NDUFV3: variants seen among roughly 807,000 people sequenced by gnomAD.
NDUFV3 encodes NADH dehydrogenase [ubiquinone] flavoprotein 3, mitochondrial.
A neutral mutation model predicts 37.5 loss-of-function variants in NDUFV3; 44 were observed. That is an observed-to-expected ratio of 1.17 (90% confidence interval 0.92 to 1.51). The LOEUF is 1.51. NDUFV3 is among the 40% of genes most tolerant of loss of function. The pLI, the probability that NDUFV3 is intolerant of heterozygous loss-of-function variation, is 0.00. For synonymous variants in NDUFV3, 235 were observed against 239.3 expected (o/e 0.98, Z 0.17); for missense variants, 580 against 580.4 (o/e 1.00, Z 0.01).
At chr21:42,905,967 G>A (rs978200524) in intron 3 of NDUFV3, among the ~76,000 whole-genome samples, 12 of 150,942 alleles carry the variant, frequency 8.0e-5, no homozygotes, top group African/African-American at 2.7e-4. Flanking sequence ...ACGTACAAAC[G>A]ATTCTCCTGC....
chr21:42,902,468 G>T (rs1377113073), intron 2 of NDUFV3, among the ~76,000 whole-genome samples: 1 of 152,048 alleles, frequency 6.6e-6, no homozygotes, highest in Non-Finnish European at 1.5e-5. Context: ...TTTGATAGGG[G>T]GATCACTAAA....
chr21:42,905,431 C>T (rs947221001), intron 3 of NDUFV3, among the ~76,000 whole-genome samples: 1 of 152,200 alleles, frequency 6.6e-6, no homozygotes, highest in South Asian at 2.1e-4. Context: ...CCCTGGACAG[C>T]GTTTCCTTCT....
Position 42,904,040 on chromosome 21 carries a change from G to A in NDUFV3, c.1028G>A (p.Arg343His), listed in dbSNP as rs140627218. ...HLEKPVPEPQ[R>H]KAAPPLPRKE... ...GAAAAACCCGTGCCAGAGCCCCAGC[G>A]CAAGGCGGCCCCTCCCCTGCCCAGA... is the stretch of plus-strand genomic sequence containing the variant. The change falls in exon 3 of 4, where the codon CGC becomes CAC. Residue 343 changes from arginine to histidine, a missense_variant. Coordinates refer to ENST00000354250, the MANE Select transcript of NDUFV3 (RefSeq NM_021075.4). 2.1e-4 allele frequency: 336 copies of A among 1,614,142 alleles called. No individual in the cohort carries two copies. Among genetic ancestry groups the A allele is most frequent in the East Asian group, 6.5e-4 (29 of 44,874 alleles).
At chr21:42,900,613 A>T (rs2058714296) in intron 2 of NDUFV3, among the ~76,000 whole-genome samples, 1 of 152,226 alleles carries the variant, frequency 6.6e-6, no homozygotes, top group Non-Finnish European at 1.5e-5. Flanking sequence ...TAAGTGTAAG[A>T]TACAGAGGAA....
At chr21:42,895,286 C>A (rs2058685611) in intron 1 of NDUFV3, among the ~76,000 whole-genome samples, 1 of 152,016 alleles carries the variant, frequency 6.6e-6, no homozygotes, top group African/African-American at 2.4e-5. Context: ...AACTCGAGAC[C>A]AACCTGATCA....
At chr21:42,893,544 G>A (rs1036145353) in intron 1 of NDUFV3, among the ~76,000 whole-genome samples, 163 bp downstream of exon 1, 4 of 152,210 alleles carry the variant, frequency 2.6e-5, no homozygotes, top group African/African-American at 9.6e-5. Context: ...ACCGCCACGG[G>A]GCCAGGCCCG....
Position 42,912,907 on chromosome 21 carries a change from A to ATT in NDUFV3, c.*3886_*3887insTT, listed in dbSNP as rs1291287429. The ATT allele has an allele frequency of 1.4e-5, 2 of 137,990 alleles. No individual in the cohort carries two copies. The highest frequency in any genetic ancestry group is 5.5e-5 in the African/African-American group (2 of 36,468). The allele number at this position is 137,990 out of a possible 1,614,324, so 8.5% of individuals were successfully genotyped here. On this transcript the variant is annotated 3_prime_UTR_variant, in exon 4 of 4. Transcript: ENST00000354250. ...ACTCCGTCTCAAAAAAAAAAAACAA[A>ATT]AAAAAAATTAGCCGGGCGTGGTGGT...
intron 1 of NDUFV3, among the ~76,000 whole-genome samples, 184 bp downstream of exon 1, chr21:42,893,565 G>A (rs2146141418): frequency 6.6e-6 from 1 of 152,296 alleles, no homozygotes; most frequent in African/African-American, 2.4e-5. Flanking sequence ...GATGTGGCCA[G>A]CGAGCGTCCC....
chr21:42,895,155 C>G (rs964378271), intron 1 of NDUFV3, among the ~76,000 whole-genome samples: 2 of 152,028 alleles, frequency 1.3e-5, no homozygotes, highest in Admixed American at 6.6e-5. Context: ...GTCAGGCATT[C>G]GAGACCAACA....
intron 3 of NDUFV3, among the ~76,000 whole-genome samples, chr21:42,906,164 A>G (rs1218925153): frequency 1.3e-5 from 2 of 152,186 alleles, no homozygotes; most frequent in African/African-American, 2.4e-5. Context: ...GCGCCCAGCT[A>G]TGTTACCATT....
rs376685331 is a variant in NDUFV3 at position 42,908,937 on chromosome 21, G to A, written c.1338G>A (p.Thr446=). The part of the protein sequence containing the change: ...YKNLQHHDYS[T]YTFLDLNLEL... ...ACCTGCAGCATCATGACTACAGCACGTACACCTTCTTAGACCTCAACCTCG... is the reference window on the plus strand; with the variant it reads ...ACCTGCAGCATCATGACTACAGCACATACACCTTCTTAGACCTCAACCTCG... Residue 446 remains threonine (T), a synonymous_variant, in exon 4 of 4, where the codon ACG becomes ACA. Transcript: ENST00000354250. 3.1e-5 allele frequency: 50 copies of A among 1,613,874 alleles called. No individual in the cohort carries two copies. The highest frequency in any genetic ancestry group is 1.1e-4 in the South Asian group (10 of 91,082).
At chr21:42,901,616 G>A (rs1429068897) in intron 2 of NDUFV3, among the ~76,000 whole-genome samples, 31 of 150,152 alleles carry the variant, frequency 2.1e-4, no homozygotes, top group Admixed American at 4.0e-4. Flanking sequence ...AAAAAAAAAA[G>A]AAAACGAAAT....
intron 3 of NDUFV3, chr21:42,907,009 G>C (rs2058745078): frequency 4.8e-6 from 2 of 412,962 alleles, no homozygotes; most frequent in African/African-American, 4.1e-5. Flanking sequence ...TTTTTGTGGA[G>C]CATGAATGGA....
At chr21:42,899,088 C>T (rs893466750) in intron 2 of NDUFV3, among the ~76,000 whole-genome samples, 7 of 152,138 alleles carry the variant, frequency 4.6e-5, no homozygotes, top group Non-Finnish European at 7.4e-5. Context: ...CTGTCCTTGA[C>T]GGGCCCTGCA....
At chr21:42,899,286 T>TTTTTTTTTTTTTTTTA (rs1370334671) in intron 2 of NDUFV3, among the ~76,000 whole-genome samples, 1 of 140,866 alleles carries the variant, frequency 7.1e-6, no homozygotes, top group South Asian at 2.1e-4. Context: ...TGTTTTTTTT[T>TTTTTTTTTTTTTTTTA]GAGACAGAGT....
At chr21:42,901,553 A>G (rs1448703096) in intron 2 of NDUFV3, among the ~76,000 whole-genome samples, 1 of 151,666 alleles carries the variant, frequency 6.6e-6, no homozygotes, top group East Asian at 1.9e-4. Context: ...CTGAGCCGAG[A>G]TTTGCACCAC....
At chr21:42,894,259 G>A (rs529914125) in intron 1 of NDUFV3, among the ~76,000 whole-genome samples, 1 of 127,894 alleles carries the variant, frequency 7.8e-6, no homozygotes, top group South Asian at 2.3e-4. Flanking sequence ...TTTTAAAATG[G>A]CTGTTATTAC....
At chr21:42,897,801 T>C (rs1464986602) in intron 2 of NDUFV3, among the ~76,000 whole-genome samples, 1 of 151,954 alleles carries the variant, frequency 6.6e-6, no homozygotes, top group East Asian at 1.9e-4. Context: ...CTCGGCCTCC[T>C]GAGTAGCTGG....
Position 42,903,627 on chromosome 21 carries a change from A to G in NDUFV3, c.615A>G (p.Ala205=), listed in dbSNP as rs772082729. The change falls in exon 3 of 4, where the codon GCA becomes GCG. Residue 205 remains alanine, a synonymous_variant. Coordinates refer to ENST00000354250, the MANE Select transcript of NDUFV3 (RefSeq NM_021075.4). Reference sequence around the variant, plus strand: ...GAGCCCCCCGAGTTACAGTATCAGCAAAAGAGAAAACCTTGCTGCAGAAGC... The same window carrying G: ...GAGCCCCCCGAGTTACAGTATCAGCGAAAGAGAAAACCTTGCTGCAGAAGC... The part of the protein sequence containing the change: ...ENRAPRVTVS[A]KEKTLLQKPH... The G allele has an allele frequency of 2.5e-6, 4 of 1,613,938 alleles. No homozygotes were observed.
Sources: allele counts gnomAD v4.1 joint callset (sites outside exome capture counted in the v4.1 genomes callset), GRCh38; gene constraint gnomAD v4.1.1; transcripts MANE v1.5; gene names NCBI Gene and HGNC (gene_info 2026-07-23, HGNC 2026-07-21).